Variants in CSMD1 observed in about 807,000 individuals in gnomAD.
CSMD1 encodes CUB and Sushi multiple domains 1.
In CSMD1, 213 loss-of-function variants were observed where a neutral mutation model predicts 417.5. That is an observed-to-expected ratio of 0.51 (90% CI 0.46 to 0.57). The LOEUF is 0.57. CSMD1 is among the 20% of genes least tolerant of loss of function. The pLI is 0.00. For missense variants in CSMD1, 6,923 were observed against 4,529.7 expected (o/e 1.53, Z -15.17); for synonymous variants, 2,862 against 1,736.8 (o/e 1.65, Z -16.11).
intron 9 of CSMD1, among the ~76,000 whole-genome samples, chr8:3,583,458 G>T (rs776854586): frequency 3.3e-5 from 5 of 151,964 alleles, no homozygotes; most frequent in Non-Finnish European, 7.4e-5. Context: ...CCTGGAAACC[G>T]AAAGAGGTGG....
At chr8:3,501,117 A>G (rs1330247034) in intron 10 of CSMD1, among the ~76,000 whole-genome samples, 1 of 152,254 alleles carries the variant, frequency 6.6e-6, no homozygotes, top group East Asian at 1.9e-4. Context: ...TTTACTGAAA[A>G]AAATTCATTT....
At chr8:4,444,522 C>T (rs972072047) in intron 2 of CSMD1, among the ~76,000 whole-genome samples, 1 of 151,896 alleles carries the variant, frequency 6.6e-6, no homozygotes, top group African/African-American at 2.4e-5. Context: ...GTTTTTTTAG[C>T]CACGGAGAAC....
chr8:3,722,080 T>C (rs558381667), intron 6 of CSMD1, among the ~76,000 whole-genome samples: 3 of 152,242 alleles, frequency 2.0e-5, no homozygotes, highest in Admixed American at 2.0e-4. Flanking sequence ...AAGTGGCTCA[T>C]GCCTGTAATC....
chr8:4,229,500 T>C (rs1208311039), intron 3 of CSMD1, among the ~76,000 whole-genome samples: 5 of 152,216 alleles, frequency 3.3e-5, no homozygotes, highest in African/African-American at 1.2e-4. Flanking sequence ...ACATTTTGTC[T>C]TCATATAATT....
At chr8:3,810,257 C>T (rs766158865) in intron 5 of CSMD1, among the ~76,000 whole-genome samples, 18 of 152,102 alleles carry the variant, frequency 1.2e-4, no homozygotes, top group Non-Finnish European at 8.8e-5. Flanking sequence ...AAAAGGAATG[C>T]TGGTACTTCC....
At chr8:4,795,483 G>A (rs915850373) in intron 1 of CSMD1, among the ~76,000 whole-genome samples, 2 of 151,480 alleles carry the variant, frequency 1.3e-5, no homozygotes, top group Non-Finnish European at 2.9e-5. Flanking sequence ...TGTTAGCCAG[G>A]ATGGTCTCGA....
intron 3 of CSMD1, among the ~76,000 whole-genome samples, chr8:4,299,690 T>C (rs767309754): frequency 1.3e-5 from 2 of 152,160 alleles, no homozygotes; most frequent in East Asian, 1.9e-4. Context: ...CTGGATGCAG[T>C]GGCGATCTTG....
intron 3 of CSMD1, among the ~76,000 whole-genome samples, chr8:4,057,396 T>A (rs1798751718): frequency 6.6e-6 from 1 of 152,168 alleles, no homozygotes; most frequent in South Asian, 2.1e-4. Context: ...TTTTTTCTTG[T>A]AAATTTGTTT....
At chr8:4,683,320 G>A (rs983030546) in intron 1 of CSMD1, among the ~76,000 whole-genome samples, 14 of 152,106 alleles carry the variant, frequency 9.2e-5, no homozygotes, top group African/African-American at 2.9e-4. Flanking sequence ...AATAGTAAAT[G>A]CATTTCCAAC....
intron 3 of CSMD1, among the ~76,000 whole-genome samples, chr8:4,393,608 A>C (rs936536690): frequency 6.6e-6 from 1 of 152,160 alleles, no homozygotes; most frequent in Non-Finnish European, 1.5e-5. Context: ...GAGTTTGGTA[A>C]AGTGTCATTG....
rs944956578 is a variant in CSMD1 at position 3,942,534 on chromosome 8, G to T, written c.818+55369C>A. Among the ~76,000 whole-genome samples the T allele has an allele frequency of 5.9e-5, 9 of 152,192 alleles. No homozygotes were observed. In the East Asian group the frequency reaches 1.2e-3, roughly 20 times the overall value. ...ATAACCCTCAACCCAGGAGGACACC[G>T]GTGCATGAGGACTGAAAATGTGCTC... On this transcript the variant is annotated intron_variant, in intron 5 of 69. Coordinates refer to ENST00000635120, the MANE Select transcript of CSMD1 (RefSeq NM_033225.6).
chr8:4,029,695 A>G (rs939266437), intron 4 of CSMD1, among the ~76,000 whole-genome samples: 1 of 152,072 alleles, frequency 6.6e-6, no homozygotes, highest in Non-Finnish European at 1.5e-5. Context: ...TTCAAAACCA[A>G]CCATGCCTTC....
At chr8:4,157,272 C>G (rs900001644) in intron 3 of CSMD1, among the ~76,000 whole-genome samples, 6 of 152,164 alleles carry the variant, frequency 3.9e-5, no homozygotes, top group Non-Finnish European at 8.8e-5. Context: ...CTGTCTGTGA[C>G]TAGTTTAGTG....
chr8:3,940,497 CTGTGTGTGTGTGTGTGTGTGTG>C (rs34005059), intron 5 of CSMD1, among the ~76,000 whole-genome samples: 109 of 145,052 alleles, frequency 7.5e-4, no homozygotes, highest in African/African-American at 2.3e-3. Context: ...ATTATTTCCT[CTGTGTGTGTGTGTGTGTGTGTG>C]TGTGTGTGTG....
At chr8:3,048,667 G>A (rs1231254110) in intron 50 of CSMD1, among the ~76,000 whole-genome samples, 2 of 152,022 alleles carry the variant, frequency 1.3e-5, no homozygotes, top group Non-Finnish European at 2.9e-5. Context: ...GGTGCCCTTG[G>A]GTTTGGTAAT....
At chr8:3,505,487 T>C (rs1348357020) in intron 10 of CSMD1, among the ~76,000 whole-genome samples, 5 of 152,128 alleles carry the variant, frequency 3.3e-5, no homozygotes, top group African/African-American at 1.2e-4. Flanking sequence ...AGAAGGAAGA[T>C]AAAAGTGCTT....
intron 38 of CSMD1, among the ~76,000 whole-genome samples, chr8:3,160,817 T>C (rs1048982944): frequency 6.6e-6 from 1 of 152,168 alleles, no homozygotes; most frequent in Admixed American, 6.5e-5. Context: ...AGAAGTGAGA[T>C]TTTGTATATA....
At chr8:3,920,260 C>T (rs1055866927) in intron 5 of CSMD1, among the ~76,000 whole-genome samples, 1 of 151,954 alleles carries the variant, frequency 6.6e-6, no homozygotes, top group African/African-American at 2.4e-5. Context: ...CTCTTGAACT[C>T]CTGGGCTCAA....
At chr8:4,676,662 G>T (rs573993894) in intron 1 of CSMD1, among the ~76,000 whole-genome samples, 107 of 152,028 alleles carry the variant, frequency 7.0e-4, no homozygotes, top group Non-Finnish European at 1.3e-3. Context: ...AAGGAAAAAA[G>T]AACAATTTTA....
Sources: allele counts gnomAD v4.1 joint callset (sites outside exome capture counted in the v4.1 genomes callset), GRCh38; gene constraint gnomAD v4.1.1; transcripts MANE v1.5; gene names NCBI Gene and HGNC (gene_info 2026-07-23, HGNC 2026-07-21).